Variants in MRAP2 observed in about 807,000 individuals in gnomAD.
MRAP2 encodes the protein melanocortin 2 receptor accessory protein 2, also known as melanocortin-2 receptor accessory protein 2.
MRAP2 carries 20 observed loss-of-function variants against 17.4 expected under a neutral mutation model. The observed-to-expected ratio is 1.15, with a 90% CI of 0.81 to 1.67. The LOEUF (loss-of-function observed/expected upper bound fraction) is 1.67. Among genes scored for constraint, MRAP2 ranks in the 40% most tolerant of loss-of-function variants. MRAP2 has a pLI of 0.00. For synonymous variants in MRAP2, 96 were observed against 88.4 expected (o/e 1.09, Z -0.48); for missense variants, 238 against 240.0 (o/e 0.99, Z 0.05).
At chr6:84,138,458 C>T in the MRAP2 span, among the ~76,000 whole-genome samples, 41 of 152,280 alleles carry the variant, frequency 2.7e-4, no homozygotes, top group Admixed American at 5.2e-4. Flanking sequence ...TCATAATACA[C>T]AGGACGTCAG....
intron 1 of MRAP2, among the ~76,000 whole-genome samples, chr6:84,050,644 G>A (rs1225600326): frequency 2.0e-5 from 3 of 152,256 alleles, no homozygotes; most frequent in Admixed American, 6.5e-5. Flanking sequence ...AGCGTTATGA[G>A]TCACAAGGGT....
At chr6:84,111,990 G>A in the MRAP2 span, among the ~76,000 whole-genome samples, 2 of 152,182 alleles carry the variant, frequency 1.3e-5, no homozygotes, top group African/African-American at 4.8e-5. Context: ...CTGATGTGCT[G>A]CTGGATTTGG....
chr6:84,131,833 C>G, the MRAP2 span, among the ~76,000 whole-genome samples: 1 of 152,114 alleles, frequency 6.6e-6, no homozygotes, highest in Non-Finnish European at 1.5e-5. Context: ...AGCATTTAGC[C>G]TATTTACATT....
At chr6:84,145,359 T>C in the MRAP2 span, among the ~76,000 whole-genome samples, 5 of 152,144 alleles carry the variant, frequency 3.3e-5, no homozygotes, top group Non-Finnish European at 7.4e-5. Flanking sequence ...AACAGACTTA[T>C]AAAAGAGCCT....
At chr6:84,089,029 C>T in intron 3 of MRAP2, 62 bp from the exon 4 acceptor site, 1 of 1,527,148 alleles carries the variant, frequency 6.5e-7, no homozygotes, top group Non-Finnish European at 8.8e-7. Context: ...TGCAGAAAAC[C>T]ATGATTCTGC....
chr6:84,103,520 C>A, the MRAP2 span, among the ~76,000 whole-genome samples: 1 of 152,154 alleles, frequency 6.6e-6, no homozygotes, highest in Non-Finnish European at 1.5e-5. Flanking sequence ...TGATTCCTTA[C>A]CCTGACAGCC....
At chr6:84,084,927 T>TTTTAC (rs202029265) in intron 3 of MRAP2, among the ~76,000 whole-genome samples, 16 of 103,944 alleles carry the variant, frequency 1.5e-4, no homozygotes, top group Admixed American at 1.1e-3. Flanking sequence ...ATTTATTTTA[T>TTTTAC]TTTACTTTAT....
At chr6:84,076,603 A>G (rs919953076) in intron 3 of MRAP2, among the ~76,000 whole-genome samples, 1 of 151,934 alleles carries the variant, frequency 6.6e-6, no homozygotes, top group Non-Finnish European at 1.5e-5. Flanking sequence ...CAAGTGATCC[A>G]CCTGCCTCGG....
chr6:84,093,132 A>G (rs899622243), downstream of MRAP2, among the ~76,000 whole-genome samples: 1 of 152,170 alleles, frequency 6.6e-6, no homozygotes, highest in African/African-American at 2.4e-5. Flanking sequence ...GCCTTCATTT[A>G]TCTTGCCCTC....
In MRAP2 at chr6:84,064,617, A is replaced by G. The variant is rs530480715; in HGVS notation, c.227+1625A>G. Among the ~76,000 whole-genome samples the G allele has an allele frequency of 2.6e-5, 4 of 152,182 alleles. No individual in the cohort carries two copies. In the South Asian group the frequency reaches 8.3e-4, roughly 32 times the overall value. On this transcript the variant is annotated intron_variant, in intron 3 of 3. Coordinates refer to ENST00000257776, the MANE Select transcript of MRAP2 (RefSeq NM_138409.4). ...ATTCTCCTGCCTCAGCCTCCCCAGT[A>G]GCTGGGACTACAGGCACCCACCACC...
intron 3 of MRAP2, among the ~76,000 whole-genome samples, chr6:84,073,318 ATGG>A (rs1390405412): frequency 2.3e-4 from 35 of 152,150 alleles, no homozygotes; most frequent in Non-Finnish European, 4.3e-4. Flanking sequence ...AGCTCCAGGT[ATGG>A]TCAGAAACTT....
At chr6:84,037,527 G>A (rs1345078917) in intron 1 of MRAP2, among the ~76,000 whole-genome samples, 6 of 152,234 alleles carry the variant, frequency 3.9e-5, no homozygotes, top group African/African-American at 1.2e-4. Flanking sequence ...ATGGAGCAGG[G>A]GGCGGCGCCC....
the MRAP2 span, among the ~76,000 whole-genome samples, chr6:84,140,579 G>T: frequency 6.6e-6 from 1 of 152,146 alleles, no homozygotes; most frequent in South Asian, 2.1e-4. Context: ...CCAGGCTGGG[G>T]TACAGTGGCA....
At chr6:84,057,807 G>GT (rs1445231129) in intron 2 of MRAP2, among the ~76,000 whole-genome samples, 1 of 152,194 alleles carries the variant, frequency 6.6e-6, no homozygotes, top group Non-Finnish European at 1.5e-5. Context: ...GATAAATAGA[G>GT]TGGGGGTAAA....
In MRAP2 at chr6:84,047,410, C is replaced by T. The variant is rs548853693; in HGVS notation, c.-7-7902C>T. On this transcript the variant is annotated intron_variant, in intron 1 of 3. Coordinates refer to ENST00000257776, the MANE Select transcript of MRAP2 (RefSeq NM_138409.4). The stretch of plus-strand genomic sequence containing the variant: ...TTTGCCAGGTTGACCAGGCTGGTCT[C>T]GAACTCCTGGACTCAAAGCAATCCA... 8.6e-5 allele frequency among the ~76,000 whole-genome samples: 13 copies of T among 151,224 alleles called. 1 individual carries two copies. Among genetic ancestry groups the T allele is most frequent in the Non-Finnish European group, 1.3e-4 (9 of 67,890 alleles).
chr6:84,088,961 C>T, intron 3 of MRAP2, 130 bp from the exon 4 acceptor site: 2 of 943,692 alleles, frequency 2.1e-6, no homozygotes, highest in South Asian at 1.9e-5. Flanking sequence ...GTCTGCATGC[C>T]ATGCAAGGGG....
At chr6:84,134,789 T>C in the MRAP2 span, among the ~76,000 whole-genome samples, 1 of 152,086 alleles carries the variant, frequency 6.6e-6, no homozygotes, top group African/African-American at 2.4e-5. Flanking sequence ...CTGTTCCTAT[T>C]TGACCATCTT....
At position 84,041,456 on chromosome 6, in the gene MRAP2, C is replaced by T. The variant is rs571469914; in HGVS notation, c.-8+7573C>T. Among the ~76,000 whole-genome samples the T allele has an allele frequency of 2.0e-5, 3 of 152,336 alleles. No homozygotes were observed. In the East Asian group the frequency reaches 5.8e-4, roughly 29 times the overall value. ...GTTCTGAGAAGAGGGCCACTGTCCT[C>T]CAGTCGCCAGAATGGTGGATCCACT... On this transcript the variant is annotated intron_variant, in intron 1 of 3. Transcript: ENST00000257776.
In MRAP2 at chr6:84,076,246, CAG is replaced by C. The variant is rs1472179805; in HGVS notation, c.228-12842_228-12841del. ...CTAATTTTTTTTTTTTTTTTTGAGA[CAG>C]AGTCTCACTCTGTCACCCCGGCTGA... is the stretch of plus-strand genomic sequence containing the variant. On this transcript the variant is annotated intron_variant, in intron 3 of 3. Coordinates refer to ENST00000257776, the MANE Select transcript of MRAP2 (RefSeq NM_138409.4). Among the ~76,000 whole-genome samples the C allele has an allele frequency of 3.3e-4, 48 of 144,584 alleles. 1 individual carries two copies. The highest frequency in any genetic ancestry group is 1.1e-3 in the Admixed American group (16 of 14,514). The allele number at this position is 144,584 out of a possible 152,430, so 94.9% of individuals were successfully genotyped here.
Sources: allele counts gnomAD v4.1 joint callset (sites outside exome capture counted in the v4.1 genomes callset), GRCh38; gene constraint gnomAD v4.1.1; transcripts MANE v1.5; gene names NCBI Gene and HGNC (gene_info 2026-07-23, HGNC 2026-07-21).